THSD7B: variants seen among roughly 807,000 people sequenced by gnomAD.
THSD7B encodes thrombospondin type 1 domain containing 7B, also known as thrombospondin type-1 domain-containing protein 7B.
In THSD7B, 138 loss-of-function variants were observed where a neutral mutation model predicts 213.6. The ratio of observed to expected loss-of-function variants is 0.65; its 90% CI spans 0.56 to 0.74. THSD7B has a LOEUF of 0.74. Among genes scored for constraint, THSD7B ranks in the 30% least tolerant of loss-of-function variants. The probability of loss-of-function intolerance (pLI) is 0.00; values close to 1 mark genes in which losing one functional copy is unlikely to be tolerated. For synonymous variants in THSD7B, 742 were observed against 687.0 expected, an observed-to-expected ratio of 1.08 and a Z score of -1.25; for missense variants, 1,931 against 1,991.5, an observed-to-expected ratio of 0.97 and a Z score of 0.58.
At chr2:137,658,494 T>G (rs1478969014) in intron 24 of THSD7B, among the ~76,000 whole-genome samples, 1 of 152,170 alleles carries the variant, frequency 6.6e-6, no homozygotes, top group Non-Finnish European at 1.5e-5. Context: ...CTATGTAAAT[T>G]CCAAGATTTT....
intron 2 of THSD7B, among the ~76,000 whole-genome samples, chr2:137,041,038 A>G (rs1349867578): frequency 1.3e-5 from 2 of 152,234 alleles, no homozygotes; most frequent in Admixed American, 6.5e-5. Context: ...AAATTTCCGT[A>G]TCTAGTCCAT....
At chr2:137,125,397 A>G (rs1573838152) in intron 5 of THSD7B, among the ~76,000 whole-genome samples, 1 of 152,232 alleles carries the variant, frequency 6.6e-6, no homozygotes, top group South Asian at 2.1e-4. Context: ...AGTAGCTTCC[A>G]TCTCAAGAAA....
At chr2:136,903,432 GTTGT>G (rs1384162621) in intron 2 of THSD7B, among the ~76,000 whole-genome samples, 2 of 152,122 alleles carry the variant, frequency 1.3e-5, no homozygotes, top group Non-Finnish European at 2.9e-5. Context: ...TGTTGTTGCT[GTTGT>G]TTGTTTGCTT....
intron 2 of THSD7B, among the ~76,000 whole-genome samples, chr2:137,010,403 C>G (rs1686207833): frequency 6.6e-6 from 1 of 152,194 alleles, no homozygotes. Flanking sequence ...GTTCCATGAC[C>G]TGCTATTTTC....
intron 5 of THSD7B, among the ~76,000 whole-genome samples, chr2:137,128,113 C>T (rs771559227): frequency 6.6e-6 from 1 of 152,096 alleles, no homozygotes; most frequent in Non-Finnish European, 1.5e-5. Flanking sequence ...GGGAACACTA[C>T]AGATACTTTA....
chr2:137,642,888 T>G (rs1682965754), intron 21 of THSD7B, among the ~76,000 whole-genome samples: 1 of 152,200 alleles, frequency 6.6e-6, no homozygotes, highest in Admixed American at 6.5e-5. Context: ...TCAATCTCCT[T>G]GGCATCCTTA....
chr2:137,502,444 G>T (rs1167194835), intron 15 of THSD7B, among the ~76,000 whole-genome samples: 2 of 152,076 alleles, frequency 1.3e-5, no homozygotes, highest in East Asian at 3.9e-4. Context: ...AAAGGTCAGA[G>T]ACAAATCTTA....
chr2:137,148,054 A>G (rs1047569265), intron 5 of THSD7B, among the ~76,000 whole-genome samples: 3 of 152,138 alleles, frequency 2.0e-5, no homozygotes, highest in African/African-American at 7.2e-5. Context: ...TGTAGTTCCC[A>G]TAATCCCCAA....
chr2:136,815,517 A>G (rs1190805513), intron 1 of THSD7B, among the ~76,000 whole-genome samples: 1 of 152,222 alleles, frequency 6.6e-6, no homozygotes, highest in Non-Finnish European at 1.5e-5. Flanking sequence ...TGCAGGAGAT[A>G]ACTTATTAGA....
intron 12 of THSD7B, among the ~76,000 whole-genome samples, chr2:137,316,081 G>A (rs1684090864): frequency 6.6e-6 from 1 of 152,066 alleles, no homozygotes; most frequent in South Asian, 2.1e-4. Context: ...TATTACTTGG[G>A]TAATACAATT....
chr2:137,334,658 G>A (rs528297663), intron 12 of THSD7B, among the ~76,000 whole-genome samples: 27 of 152,206 alleles, frequency 1.8e-4, no homozygotes, highest in South Asian at 2.1e-4. Flanking sequence ...GTGTGCTTCC[G>A]GCATTCTTAG....
At chr2:136,830,717 ATCAGCCTATT>A (rs1227632243) in intron 1 of THSD7B, among the ~76,000 whole-genome samples, 2 of 152,180 alleles carry the variant, frequency 1.3e-5, no homozygotes, top group African/African-American at 4.8e-5. Context: ...TCAAATGGGT[ATCAGCCTATT>A]TTTCAAATGT....
At chr2:137,315,412 C>T (rs977902192) in intron 12 of THSD7B, among the ~76,000 whole-genome samples, 4 of 152,140 alleles carry the variant, frequency 2.6e-5, no homozygotes, top group African/African-American at 4.8e-5. Context: ...CTGTCTGGCA[C>T]TCCCTAGTGA....
chr2:136,875,306 C>T (rs912009432), intron 1 of THSD7B, among the ~76,000 whole-genome samples: 1 of 152,170 alleles, frequency 6.6e-6, no homozygotes. Context: ...CCTGTAGACC[C>T]AGCTGCTCGG....
At chr2:137,243,026 T>A (rs1168750993) in intron 10 of THSD7B, among the ~76,000 whole-genome samples, 1 of 152,200 alleles carries the variant, frequency 6.6e-6, no homozygotes, top group Admixed American at 6.5e-5. Context: ...CATTACAAAG[T>A]GTTGAACAAG....
intron 7 of THSD7B, among the ~76,000 whole-genome samples, chr2:137,191,628 A>G (rs537625398): frequency 6.6e-6 from 1 of 152,116 alleles, no homozygotes; most frequent in Non-Finnish European, 1.5e-5. Flanking sequence ...AGCATACCCT[A>G]GACCATGGCC....
chr2:137,345,495 T>G (rs903305059), intron 12 of THSD7B, among the ~76,000 whole-genome samples: 2 of 151,614 alleles, frequency 1.3e-5, no homozygotes, highest in African/African-American at 4.8e-5. Context: ...TCTGAAAGAA[T>G]TGAAAGATGT....
intron 3 of THSD7B, among the ~76,000 whole-genome samples, chr2:137,059,378 T>C (rs1418850038): frequency 5.3e-5 from 8 of 152,198 alleles, no homozygotes. Context: ...GATATATTAC[T>C]GTTAATAAAG....
intron 27 of THSD7B, among the ~76,000 whole-genome samples, chr2:137,672,424 A>G (rs535665891): frequency 5.3e-5 from 8 of 152,236 alleles, no homozygotes; most frequent in Middle Eastern, 3.4e-3. Flanking sequence ...CTCTTGAGTG[A>G]TGCCCAAAAC....
Sources: allele counts gnomAD v4.1 joint callset (sites outside exome capture counted in the v4.1 genomes callset), GRCh38; gene constraint gnomAD v4.1.1; transcripts MANE v1.5; gene names NCBI Gene and HGNC (gene_info 2026-07-23, HGNC 2026-07-21).